The following CDC73 variants were observed in gnomAD, a reference collection of about 807,000 sequenced individuals.
CDC73 encodes the protein parafibromin.
A neutral mutation model predicts 83.7 loss-of-function variants in CDC73; 21 were observed. The ratio of observed to expected loss-of-function variants is 0.25; its 90% CI spans 0.18 to 0.36. CDC73 has a LOEUF of 0.36. Among genes scored for constraint, CDC73 ranks in the 10% least tolerant of loss-of-function variants. The pLI, the probability that CDC73 is intolerant of heterozygous loss-of-function variation, is 1.00. For synonymous variants in CDC73, 224 were observed against 212.9 expected (o/e 1.05, Z -0.45); for missense variants, 342 against 653.3 (o/e 0.52, Z 5.19).
At chr1:193,231,350 G>C (rs953593659) in intron 13 of CDC73, among the ~76,000 whole-genome samples, 3 of 152,134 alleles carry the variant, frequency 2.0e-5, no homozygotes, top group Admixed American at 6.6e-5. Context: ...GAATCCCTTT[G>C]TTCTGTGTGT....
chr1:193,234,265 A>ATTATATAT, intron 14 of CDC73, among the ~76,000 whole-genome samples: 1 of 17,652 alleles, frequency 5.7e-5, no homozygotes, highest in South Asian at 3.7e-3. Flanking sequence ...TATATAATTT[A>ATTATATAT]ATTATAATAT....
chr1:193,167,982 T>C (rs948023792), intron 10 of CDC73, among the ~76,000 whole-genome samples: 1 of 152,130 alleles, frequency 6.6e-6, no homozygotes, highest in East Asian at 1.9e-4. Context: ...TGCCTCAGCC[T>C]CCTGAGTAGC....
At chr1:193,180,775 A>T in intron 10 of CDC73, 1 of 1,614,090 alleles carries the variant, frequency 6.2e-7, no homozygotes, top group East Asian at 2.2e-5. Context: ...TAACTTATTG[A>T]TTAAATATTC....
chr1:193,137,938 C>T (rs1675829176), intron 5 of CDC73, 147 bp from the exon 6 acceptor site: 1 of 678,566 alleles, frequency 1.5e-6, no homozygotes, highest in Middle Eastern at 2.8e-4. Context: ...TTTACGTAGC[C>T]AAAAGTAGTC....
chr1:193,200,774 T>TGCGC (rs966601709), intron 10 of CDC73, among the ~76,000 whole-genome samples: 1 of 152,110 alleles, frequency 6.6e-6, no homozygotes, highest in Non-Finnish European at 1.5e-5. Flanking sequence ...TGTGTGTGTG[T>TGCGC]GCGCGCGTGC....
chr1:193,206,333 G>T (rs1438803975), intron 11 of CDC73, among the ~76,000 whole-genome samples: 1 of 152,150 alleles, frequency 6.6e-6, no homozygotes, highest in African/African-American at 2.4e-5. Flanking sequence ...GCTCATCCAT[G>T]TGAACTTTCT....
At chr1:193,201,738 G>GT (rs890395660) in intron 10 of CDC73, among the ~76,000 whole-genome samples, 16 of 151,054 alleles carry the variant, frequency 1.1e-4, no homozygotes, top group South Asian at 4.2e-4. Context: ...AGTGGAAAAG[G>GT]TTTTTTTTTC....
chr1:193,146,333 TTGTC>T (rs1328387612), intron 7 of CDC73, among the ~76,000 whole-genome samples: 1 of 152,158 alleles, frequency 6.6e-6, no homozygotes, highest in Non-Finnish European at 1.5e-5. Context: ...CCAAGTATCT[TTGTC>T]TGTTTTGTGC....
At chr1:193,123,952 TC>T (rs1419986924) in intron 1 of CDC73, among the ~76,000 whole-genome samples, 1 of 152,228 alleles carries the variant, frequency 6.6e-6, no homozygotes, top group African/African-American at 2.4e-5. Context: ...AACAAAGTTT[TC>T]TTGAATGAAT....
At chr1:193,142,666 T>C (rs1353919305) in intron 7 of CDC73, among the ~76,000 whole-genome samples, 1 of 152,038 alleles carries the variant, frequency 6.6e-6, no homozygotes, top group Non-Finnish European at 1.5e-5. Flanking sequence ...TTTCCCTCTC[T>C]TCCTCCTTCC....
chr1:193,197,954 G>A (rs1431557362), intron 10 of CDC73, among the ~76,000 whole-genome samples: 1 of 147,926 alleles, frequency 6.8e-6, no homozygotes, highest in African/African-American at 2.5e-5. Flanking sequence ...AAAAGTGTAT[G>A]TGCAAAGAAT....
intron 1 of CDC73, among the ~76,000 whole-genome samples, chr1:193,123,576 A>C (rs1423102776): frequency 6.6e-6 from 1 of 152,168 alleles, no homozygotes; most frequent in African/African-American, 2.4e-5. Context: ...TTAGCTTTAT[A>C]AAATGTTGAT....
intron 10 of CDC73, chr1:193,181,675 T>C: frequency 9.8e-7 from 1 of 1,024,362 alleles, no homozygotes; most frequent in South Asian, 1.9e-5. Context: ...GTCTCTCTTG[T>C]AGTCATTCTA....
chr1:193,219,454 G>T (rs532877951), intron 13 of CDC73, among the ~76,000 whole-genome samples: 1 of 152,146 alleles, frequency 6.6e-6, no homozygotes, highest in Non-Finnish European at 1.5e-5. Flanking sequence ...TAAGTTCATT[G>T]TGGCACGTTT....
intron 13 of CDC73, among the ~76,000 whole-genome samples, chr1:193,214,006 C>T (rs1049863494): frequency 6.6e-6 from 1 of 152,190 alleles, no homozygotes; most frequent in Non-Finnish European, 1.5e-5. Flanking sequence ...GATGGATATG[C>T]TTCCCCGACA....
intron 5 of CDC73, among the ~76,000 whole-genome samples, chr1:193,136,166 T>C (rs543256707): frequency 6.6e-6 from 1 of 152,352 alleles, no homozygotes; most frequent in East Asian, 1.9e-4. Context: ...GCAACTATTT[T>C]ACTTTAATAT....
intron 3 of CDC73, among the ~76,000 whole-genome samples, chr1:193,131,709 T>A (rs954587192): frequency 1.3e-5 from 2 of 152,210 alleles, no homozygotes; most frequent in African/African-American, 4.8e-5. Context: ...ACTTTCTCTT[T>A]CTATCTTGAG....
At chr1:193,201,497 G>A (rs1294607975) in intron 10 of CDC73, among the ~76,000 whole-genome samples, 1 of 152,144 alleles carries the variant, frequency 6.6e-6, no homozygotes, top group Non-Finnish European at 1.5e-5. Flanking sequence ...TTAACAGCTA[G>A]CTCTAGTCTG....
intron 8 of CDC73, among the ~76,000 whole-genome samples, chr1:193,148,889 C>G (rs1676055838): frequency 6.6e-6 from 1 of 151,810 alleles, no homozygotes; most frequent in Admixed American, 6.6e-5. Flanking sequence ...CTCAGGTGAT[C>G]TGCCCACCTC....
Sources: gnomAD v4.1 joint callset for allele counts (sites outside exome capture counted in the v4.1 genomes callset) on GRCh38, gnomAD v4.1.1 for gene constraint, MANE v1.5 for transcripts, NCBI Gene and HGNC (gene_info 2026-07-23, HGNC 2026-07-21) for gene names.